Variants in NBAS observed in about 807,000 individuals in gnomAD.
The protein encoded by NBAS is NBAS subunit of NRZ tethering complex, also known as NAG/BC035112 fusion.
Under a neutral mutation model 302.5 loss-of-function variants are expected in NBAS, and 219 were observed. The ratio of observed to expected loss-of-function variants is 0.72; its 90% CI spans 0.65 to 0.81. The LOEUF is 0.81. NBAS is among the 30% of genes least tolerant of loss of function. The pLI, the probability that NBAS is intolerant of heterozygous loss-of-function variation, is 0.00. For missense variants in NBAS, 2,932 were observed against 2,841.6 expected (o/e 1.03, Z -0.72); for synonymous variants, 1,118 against 1,021.6 (o/e 1.09, Z -1.80).
At chr2:15,063,569 C>T in the NBAS span, among the ~76,000 whole-genome samples, 1 of 152,144 alleles carries the variant, frequency 6.6e-6, no homozygotes, top group African/African-American at 2.4e-5. Flanking sequence ...CCCTAACCCC[C>T]AGCATACCTC....
chr2:14,816,196 G>C, the NBAS span, among the ~76,000 whole-genome samples: 2 of 152,338 alleles, frequency 1.3e-5, no homozygotes, highest in African/African-American at 4.8e-5. Context: ...GACCTGTACT[G>C]GTCTGTGACC....
At chr2:15,544,990 G>A (rs1272237315) in intron 6 of NBAS, among the ~76,000 whole-genome samples, 1 of 149,234 alleles carries the variant, frequency 6.7e-6, no homozygotes, top group Admixed American at 6.8e-5. Flanking sequence ...CAGCCTAGGT[G>A]ATAGAGCAAG....
intron 31 of NBAS, among the ~76,000 whole-genome samples, chr2:15,367,554 A>C (rs1350615408): frequency 6.6e-6 from 1 of 152,232 alleles, no homozygotes; most frequent in African/African-American, 2.4e-5. Flanking sequence ...GAAGAAACTG[A>C]GGTGCAGAAA....
At chr2:15,314,262 A>C (rs2148178866) in intron 38 of NBAS, among the ~76,000 whole-genome samples, 1 of 152,288 alleles carries the variant, frequency 6.6e-6, no homozygotes, top group East Asian at 1.9e-4. Context: ...AGGCTGACGC[A>C]TGAGAATTGC....
the NBAS span, among the ~76,000 whole-genome samples, chr2:14,840,052 G>A: frequency 5.9e-4 from 90 of 151,914 alleles, 2 homozygotes; most frequent in African/African-American, 1.7e-3. Context: ...AAGCAATTCC[G>A]AAATTTATTA....
intron 44 of NBAS, among the ~76,000 whole-genome samples, chr2:15,274,391 C>T (rs940572409): frequency 1.3e-5 from 2 of 152,142 alleles, no homozygotes; most frequent in Non-Finnish European, 1.5e-5. Flanking sequence ...ACTGGGCAGA[C>T]CTGGTGACTT....
At chr2:15,533,710 G>A (rs1484002114) in intron 9 of NBAS, among the ~76,000 whole-genome samples, 1 of 148,296 alleles carries the variant, frequency 6.7e-6, no homozygotes, top group African/African-American at 2.5e-5. Context: ...GTGTGTGTGT[G>A]TGTGTGTGTG....
the NBAS span, among the ~76,000 whole-genome samples, chr2:14,796,184 C>G: frequency 6.6e-6 from 1 of 152,148 alleles, no homozygotes; most frequent in African/African-American, 2.4e-5. Context: ...AGTTTTGGAG[C>G]CTCTTTTCTG....
At chr2:15,070,758 T>A in the NBAS span, among the ~76,000 whole-genome samples, 3 of 152,214 alleles carry the variant, frequency 2.0e-5, no homozygotes, top group Middle Eastern at 3.2e-3. Context: ...TTAGAATATA[T>A]TGCCATGCAT....
At chr2:14,973,646 C>G in the NBAS span, among the ~76,000 whole-genome samples, 3 of 152,090 alleles carry the variant, frequency 2.0e-5, no homozygotes, top group Non-Finnish European at 4.4e-5. Flanking sequence ...GGAAAATGAA[C>G]AAACAGGATA....
chr2:14,959,119 TCCA>T, the NBAS span, among the ~76,000 whole-genome samples: 1 of 152,174 alleles, frequency 6.6e-6, no homozygotes, highest in African/African-American at 2.4e-5. Context: ...GTGTCCTTAC[TCCA>T]CCACCACCAG....
chr2:15,227,148 A>G (rs1461810783), intron 47 of NBAS, among the ~76,000 whole-genome samples: 2 of 152,208 alleles, frequency 1.3e-5, no homozygotes, highest in Non-Finnish European at 2.9e-5. Context: ...AGCATCTATT[A>G]ATGAATTTGG....
At chr2:15,368,191 C>CT (rs1197291033) in intron 31 of NBAS, among the ~76,000 whole-genome samples, 2,530 of 84,824 alleles carry the variant, frequency 0.03, 438 homozygotes, top group African/African-American at 0.067. Flanking sequence ...AATGTTTTGA[C>CT]TTTTTTTTTT....
chr2:14,967,736 G>T, the NBAS span, among the ~76,000 whole-genome samples: 1 of 152,114 alleles, frequency 6.6e-6, no homozygotes, highest in Non-Finnish European at 1.5e-5. Flanking sequence ...CAAAACTTTT[G>T]TACTATAAGC....
the NBAS span, among the ~76,000 whole-genome samples, chr2:14,999,452 G>C: frequency 1.4e-4 from 21 of 152,252 alleles, no homozygotes; most frequent in African/African-American, 5.1e-4. Flanking sequence ...GAGGCCTGGT[G>C]GGAGGTGATT....
rs553785649 is a variant in NBAS, at chr2:15,312,609, G to C, written c.4583-3362C>G. 8.5e-5 allele frequency among the ~76,000 whole-genome samples: 13 copies of C among 152,190 alleles called. No homozygotes were observed. The South Asian group carries it at 2.7e-3, about 32-fold the overall frequency. On this transcript the variant is annotated intron_variant, in intron 38 of 51. Transcript: ENST00000281513. ...TATCCTTAAATTCAGCTGGTACCCT[G>C]GTCTATTTTCCCACTATTTAGGTTT...
At chr2:15,035,938 C>G in the NBAS span, among the ~76,000 whole-genome samples, 1 of 152,184 alleles carries the variant, frequency 6.6e-6, no homozygotes, top group Non-Finnish European at 1.5e-5. Flanking sequence ...ATAGGTGCAG[C>G]AAACCACCAT....
intron 10 of NBAS, among the ~76,000 whole-genome samples, chr2:15,507,235 C>T (rs1661901635): frequency 6.6e-6 from 1 of 152,186 alleles, no homozygotes; most frequent in South Asian, 2.1e-4. Context: ...GTTCCTCTGT[C>T]TGAACAAGAG....
At chr2:15,105,998 G>A in the NBAS span, among the ~76,000 whole-genome samples, 3 of 152,190 alleles carry the variant, frequency 2.0e-5, no homozygotes, top group Non-Finnish European at 2.9e-5. Context: ...TATTACAGTG[G>A]CACTCTTTCA....
Sources: gnomAD v4.1 joint callset for allele counts (sites outside exome capture counted in the v4.1 genomes callset) on GRCh38, gnomAD v4.1.1 for gene constraint, MANE v1.5 for transcripts, NCBI Gene and HGNC (gene_info 2026-07-23, HGNC 2026-07-21) for gene names.